Variants in KLHL32 observed in about 807,000 individuals in gnomAD.
KLHL32 encodes the protein kelch-like protein 32.
Under a neutral mutation model 64.8 loss-of-function variants are expected in KLHL32, and 35 were observed. That is an observed-to-expected ratio of 0.54 (90% CI 0.41 to 0.72). The LOEUF (loss-of-function observed/expected upper bound fraction) is 0.72, where lower values mean the gene tolerates loss of function less well. KLHL32 is among the 30% of genes least tolerant of loss of function. The pLI, the probability that KLHL32 is intolerant of heterozygous loss-of-function variation, is 0.00. For missense variants in KLHL32, 589 were observed against 768.5 expected (o/e 0.77, Z 2.76); for synonymous variants, 259 against 281.0 (o/e 0.92, Z 0.78).
intron 3 of KLHL32, among the ~76,000 whole-genome samples, chr6:96,979,767 C>T (rs767450348): frequency 1.3e-5 from 2 of 152,112 alleles, no homozygotes; most frequent in African/African-American, 2.4e-5. Flanking sequence ...GCCATTTTCA[C>T]GACATTGATT....
At chr6:96,916,871 T>C in the KLHL32 span, among the ~76,000 whole-genome samples, 15 of 152,348 alleles carry the variant, frequency 9.8e-5, no homozygotes, top group African/African-American at 3.6e-4. Flanking sequence ...GTGCTCATCA[T>C]AAAGGAACTG....
At chr6:97,113,307 TG>T (rs778551688) in intron 6 of KLHL32, among the ~76,000 whole-genome samples, 14 of 152,204 alleles carry the variant, frequency 9.2e-5, no homozygotes, top group Non-Finnish European at 2.1e-4. Flanking sequence ...GTACACCCTG[TG>T]GTCTCAGATG....
intron 3 of KLHL32, among the ~76,000 whole-genome samples, chr6:97,035,326 G>T (rs1037499491): frequency 6.6e-6 from 1 of 151,950 alleles, no homozygotes; most frequent in African/African-American, 2.4e-5. Flanking sequence ...AACAAATTTT[G>T]GTCTTTTATC....
intron 1 of KLHL32, among the ~76,000 whole-genome samples, chr6:96,948,316 T>C (rs1335035286): frequency 6.6e-6 from 1 of 152,132 alleles, no homozygotes; most frequent in Non-Finnish European, 1.5e-5. Context: ...TTGAGGTTGG[T>C]TCATATCCTC....
chr6:97,097,076 CATA>C (rs1220778813), intron 6 of KLHL32, among the ~76,000 whole-genome samples: 1 of 152,078 alleles, frequency 6.6e-6, no homozygotes, highest in African/African-American at 2.4e-5. Context: ...TGTCAGAACT[CATA>C]ATAAGTCAAA....
chr6:97,057,514 T>C (rs1582876564), intron 4 of KLHL32, among the ~76,000 whole-genome samples: 1 of 152,044 alleles, frequency 6.6e-6, no homozygotes, highest in African/African-American at 2.4e-5. Flanking sequence ...TTGCCACCTG[T>C]CTTCTTTGGT....
At chr6:96,963,278 T>C in intron 1 of KLHL32, among the ~76,000 whole-genome samples, 1 of 152,136 alleles carries the variant, frequency 6.6e-6, no homozygotes, top group East Asian at 1.9e-4. Flanking sequence ...GAAAGACAAG[T>C]TACAGAAAGA....
chr6:97,110,555 C>A (rs1440588219), intron 6 of KLHL32, among the ~76,000 whole-genome samples: 1 of 152,152 alleles, frequency 6.6e-6, no homozygotes. Context: ...ATTCTTTTCA[C>A]CGGGTTGAAA....
At chr6:97,014,110 C>T (rs1335000325) in intron 3 of KLHL32, among the ~76,000 whole-genome samples, 1 of 151,792 alleles carries the variant, frequency 6.6e-6, no homozygotes, top group East Asian at 1.9e-4. Context: ...ATCAAGACCA[C>T]GGTGAAACCC....
At chr6:96,989,312 G>A (rs1214756245) in intron 3 of KLHL32, among the ~76,000 whole-genome samples, 1 of 152,256 alleles carries the variant, frequency 6.6e-6, no homozygotes, top group Non-Finnish European at 1.5e-5. Flanking sequence ...AATTCCCTTA[G>A]CATTTGCTTG....
the KLHL32 span, among the ~76,000 whole-genome samples, chr6:96,905,123 C>A: frequency 4.6e-5 from 7 of 152,046 alleles, no homozygotes; most frequent in Non-Finnish European, 1.5e-5. Context: ...TTAATCAATA[C>A]AACAGTTGTC....
chr6:97,121,679 C>T (rs1046311685), intron 7 of KLHL32, among the ~76,000 whole-genome samples: 1 of 151,922 alleles, frequency 6.6e-6, no homozygotes, highest in African/African-American at 2.4e-5. Context: ...GGCTACAAAA[C>T]TCTTCTCACG....
At chr6:97,085,940 G>A (rs1793350674) in intron 6 of KLHL32, among the ~76,000 whole-genome samples, 1 of 152,194 alleles carries the variant, frequency 6.6e-6, no homozygotes, top group African/African-American at 2.4e-5. Context: ...TAGAGGACAG[G>A]AGGATGTTTT....
At chr6:97,128,225 C>T (rs535650435) in intron 8 of KLHL32, among the ~76,000 whole-genome samples, 27 of 152,234 alleles carry the variant, frequency 1.8e-4, no homozygotes, top group African/African-American at 6.3e-4. Flanking sequence ...AAATCTATGT[C>T]CCTAGTGGAC....
rs1244860441 is a variant in KLHL32, at chr6:96,943,063, ACACACACT to A, written c.-66+18039_-66+18046del. On this transcript the variant is annotated intron_variant, in intron 1 of 10. Coordinates refer to ENST00000369261, the MANE Select transcript of KLHL32 (RefSeq NM_052904.4). ...CACACACACACACACACACACACAC[ACACACACT>A]CTGTACATACACACACATATATGCA... 6.6e-3 allele frequency among the ~76,000 whole-genome samples: 994 copies of A among 149,730 alleles called. 20 individuals carry two copies. The highest frequency in any genetic ancestry group is 0.023 in the African/African-American group (947 of 41,140).
intron 3 of KLHL32, among the ~76,000 whole-genome samples, chr6:97,027,135 C>G (rs968175061): frequency 6.8e-6 from 1 of 147,448 alleles, no homozygotes; most frequent in Non-Finnish European, 1.5e-5. Context: ...GCACTCCAGC[C>G]TGGGCAACAG....
chr6:96,924,392 G>T (rs1209614), upstream of KLHL32, among the ~76,000 whole-genome samples: 87,838 of 150,638 alleles, frequency 0.58, 26,193 homozygotes, highest in African/African-American at 0.7. Flanking sequence ...CGCAGGTGCC[G>T]GAGAGCGAGG....
intron 6 of KLHL32, among the ~76,000 whole-genome samples, chr6:97,088,461 G>A (rs1157063657): frequency 6.6e-6 from 1 of 152,168 alleles, no homozygotes; most frequent in East Asian, 1.9e-4. Flanking sequence ...GTAGGGCCCT[G>A]TTAAATATCT....
At chr6:97,093,068 C>T (rs1794494030) in intron 6 of KLHL32, among the ~76,000 whole-genome samples, 1 of 151,844 alleles carries the variant, frequency 6.6e-6, no homozygotes, top group African/African-American at 2.4e-5. Context: ...CATGTTGTTT[C>T]CAGACTGATA....
Sources: gnomAD v4.1 joint callset for allele counts (sites outside exome capture counted in the v4.1 genomes callset) on GRCh38, gnomAD v4.1.1 for gene constraint, MANE v1.5 for transcripts, NCBI Gene and HGNC (gene_info 2026-07-23, HGNC 2026-07-21) for gene names.